The following GASK1B variants were observed in gnomAD, a reference collection of about 807,000 sequenced individuals.
GASK1B encodes golgi associated kinase 1B, also known as Golgi-associated kinase 1B.
A neutral mutation model predicts 42.8 loss-of-function variants in GASK1B; 34 were observed. The ratio of observed to expected loss-of-function variants is 0.79; its 90% CI spans 0.60 to 1.06. The LOEUF (loss-of-function observed/expected upper bound fraction) is 1.06. GASK1B is among the 50% of genes least tolerant of loss of function. GASK1B has a pLI of 0.00. For synonymous variants in GASK1B, 262 were observed against 259.1 expected, an observed-to-expected ratio of 1.01 and a Z score of -0.11; for missense variants, 686 against 661.0, an observed-to-expected ratio of 1.04 and a Z score of -0.42.
intron 2 of GASK1B, among the ~76,000 whole-genome samples, chr4:158,164,961 A>G (rs1732169779): frequency 6.6e-6 from 1 of 152,242 alleles, no homozygotes; most frequent in Non-Finnish European, 1.5e-5. Flanking sequence ...TGGGATCTAC[A>G]ATGAATTTAA....
rs1299362080 is a variant in GASK1B at position 158,127,531 on chromosome 4, TAC to T, written c.1434_1435del (p.Tyr479LeufsTer7). On this transcript the variant is annotated frameshift_variant, in exon 5 of 5. Transcript: ENST00000585682. LOFTEE classifies it high-confidence loss of function. ...TTGTCTACCTCCTTGACTTTCCCAATACACTTTATCAAGAAACAGAGACTGAA... is the reference window on the plus strand; with the variant it reads ...TTGTCTACCTCCTTGACTTTCCCAATACTTTATCAAGAAACAGAGACTGAA... 6.2e-7 allele frequency: 1 copy of T among 1,613,646 alleles called. No homozygotes were observed. Among genetic ancestry groups the T allele is most frequent in the African/African-American group, 1.3e-5 (1 of 74,908 alleles).
At chr4:158,148,358 A>G (rs1731414684) in intron 3 of GASK1B, among the ~76,000 whole-genome samples, 1 of 152,232 alleles carries the variant, frequency 6.6e-6, no homozygotes, top group Non-Finnish European at 1.5e-5. Context: ...GGTAAGAGAA[A>G]AGGAAAGAGG....
chr4:158,130,512 T>C (rs1191550518), intron 4 of GASK1B, among the ~76,000 whole-genome samples: 4 of 152,150 alleles, frequency 2.6e-5, no homozygotes, highest in Admixed American at 1.3e-4. Flanking sequence ...AAAACCCACA[T>C]GGATTTTCAC....
intron 2 of GASK1B, among the ~76,000 whole-genome samples, chr4:158,162,581 A>G (rs899689087): frequency 6.6e-6 from 1 of 152,216 alleles, no homozygotes; most frequent in African/African-American, 2.4e-5. Flanking sequence ...TGAGACATAG[A>G]GACAGGGATG....
At position 158,141,001 on chromosome 4, in the gene GASK1B, T is replaced by G. The variant is rs555400073; in HGVS notation, c.1126-9989A>C. Among the ~76,000 whole-genome samples, 7 of 152,346 alleles carry G rather than the reference T, an allele frequency of 4.6e-5. No individual in the cohort carries two copies. The South Asian group carries it at 1.4e-3, about 32-fold the overall frequency. On this transcript the variant is annotated intron_variant, in intron 3 of 4. Transcript: ENST00000585682. ...CTGGTTGTCACTTAGCAATTTGAAA[T>G]TATAAATATAACATATTTGATCAGA... is the stretch of plus-strand genomic sequence containing the variant.
At chr4:158,127,735 C>T (rs1009413274) in intron 4 of GASK1B, 121 bp from the exon 5 acceptor site, 260 of 849,692 alleles carry the variant, frequency 3.1e-4, no homozygotes, top group Non-Finnish European at 4.1e-4. Flanking sequence ...TCTTTGAGAA[C>T]CAAAACATTT....
At chr4:158,143,878 T>A (rs1044717605) in intron 3 of GASK1B, among the ~76,000 whole-genome samples, 20 of 152,148 alleles carry the variant, frequency 1.3e-4, no homozygotes, top group African/African-American at 4.8e-4. Flanking sequence ...TGTGATTATG[T>A]GTTTAAAAAT....
At chr4:158,157,127 C>T (rs1489127338) in intron 2 of GASK1B, among the ~76,000 whole-genome samples, 1 of 152,104 alleles carries the variant, frequency 6.6e-6, no homozygotes, top group Non-Finnish European at 1.5e-5. Flanking sequence ...GAATAGCATT[C>T]ACTTAAATCA....
chr4:158,156,286 T>G (rs1731757334), intron 2 of GASK1B, among the ~76,000 whole-genome samples: 2 of 152,184 alleles, frequency 1.3e-5, no homozygotes, highest in Non-Finnish European at 2.9e-5. Flanking sequence ...AGAAAAAGAA[T>G]TTTTAGAAGT....
intron 3 of GASK1B, among the ~76,000 whole-genome samples, chr4:158,143,494 T>C (rs1025675533): frequency 1.3e-5 from 2 of 152,084 alleles, no homozygotes; most frequent in Non-Finnish European, 2.9e-5. Flanking sequence ...ACCAGGAGAT[T>C]AGTTAAGAGT....
chr4:158,169,908 A>G (rs1732393161), intron 2 of GASK1B: 2 of 303,748 alleles, frequency 6.6e-6, no homozygotes, highest in South Asian at 4.9e-5. Context: ...TGAACAAATC[A>G]CCAATTTTTG....
intron 2 of GASK1B, among the ~76,000 whole-genome samples, chr4:158,163,900 C>T (rs1312250644): frequency 6.6e-6 from 1 of 152,166 alleles, no homozygotes; most frequent in African/African-American, 2.4e-5. Context: ...AAAAATGCTA[C>T]TGAATTGAAT....
At chr4:158,170,284 A>T in intron 2 of GASK1B, 182 bp downstream of exon 2, 1 of 1,614,240 alleles carries the variant, frequency 6.2e-7, no homozygotes, top group Non-Finnish European at 8.5e-7. Flanking sequence ...TGGAACTCTC[A>T]TATCCTCCCA....
rs534180774 is a variant in GASK1B at position 158,168,261 on chromosome 4, G to A, written c.910+2205C>T. 3 of 152,230 alleles carry A rather than the reference G, an allele frequency of 2.0e-5. No individual in the cohort carries two copies. In the South Asian group the frequency reaches 6.2e-4, roughly 32 times the overall value. The allele number at this position is 152,230 out of a possible 1,614,324, so 9.4% of individuals were successfully genotyped here. On this transcript the variant is annotated intron_variant, in intron 2 of 4. Transcript: ENST00000585682. ...TATGAAAGGAGAGAGAAATATCCAG[G>A]CTATATTGAGATCATAAACCCCGCC... is the stretch of plus-strand genomic sequence containing the variant.
intron 3 of GASK1B, among the ~76,000 whole-genome samples, chr4:158,140,346 G>C (rs951124839): frequency 6.6e-6 from 1 of 152,196 alleles, no homozygotes; most frequent in Non-Finnish European, 1.5e-5. Flanking sequence ...TGGTTGGGAA[G>C]AGCATGAAAC....
At chr4:158,160,324 T>C (rs1263800338) in intron 2 of GASK1B, among the ~76,000 whole-genome samples, 1 of 152,140 alleles carries the variant, frequency 6.6e-6, no homozygotes, top group African/African-American at 2.4e-5. Context: ...GTAGATTACA[T>C]AGGCATAGAT....
At chr4:158,164,486 G>T (rs1472373480) in intron 2 of GASK1B, among the ~76,000 whole-genome samples, 1 of 152,150 alleles carries the variant, frequency 6.6e-6, no homozygotes, top group Non-Finnish European at 1.5e-5. Flanking sequence ...GCTTAGAGCC[G>T]AGGCTCAGTA....
At chr4:158,164,215 C>T (rs1560792426) in intron 2 of GASK1B, among the ~76,000 whole-genome samples, 1 of 152,144 alleles carries the variant, frequency 6.6e-6, no homozygotes, top group African/African-American at 2.4e-5. Context: ...GTGGCTAGCA[C>T]ATAGTAGATG....
intron 2 of GASK1B, among the ~76,000 whole-genome samples, chr4:158,163,430 G>A (rs542589904): frequency 2.2e-3 from 333 of 152,164 alleles, no homozygotes; most frequent in Middle Eastern, 6.8e-3. Context: ...TTAGCCGGGC[G>A]TGGTGACAGG....
Sources: allele counts gnomAD v4.1 joint callset (sites outside exome capture counted in the v4.1 genomes callset), GRCh38; gene constraint gnomAD v4.1.1; transcripts MANE v1.5; gene names NCBI Gene and HGNC (gene_info 2026-07-23, HGNC 2026-07-21).